CDH16: variants seen among roughly 807,000 people sequenced by gnomAD.
CDH16 encodes the protein cadherin-16.
In CDH16, 79 loss-of-function variants were observed where a neutral mutation model predicts 87.6. That is an observed-to-expected ratio of 0.90 (90% confidence interval 0.75 to 1.09). CDH16 has a LOEUF of 1.09. Among genes scored for constraint, CDH16 ranks in the 50% least tolerant of loss-of-function variants. The pLI is 0.00. For synonymous variants in CDH16, 457 were observed against 439.5 expected (o/e 1.04, Z -0.50); for missense variants, 1,124 against 1,071.7 (o/e 1.05, Z -0.68).
At chr16:66,915,110 C>T in intron 6 of CDH16, 110 bp downstream of exon 6, 1 of 1,085,436 alleles carries the variant, frequency 9.2e-7, no homozygotes, top group Non-Finnish European at 1.3e-6. Flanking sequence ...AGTGCCCTTC[C>T]CTCCCTTTTT....
chr16:66,918,503 G>T (rs1377153322), intron 1 of CDH16, among the ~76,000 whole-genome samples: 2 of 152,212 alleles, frequency 1.3e-5, no homozygotes, highest in Non-Finnish European at 2.9e-5. Context: ...TCTGGCCAAG[G>T]TCACAGAGGA....
chr16:66,909,521 G>A lies in CDH16; in HGVS notation c.2276-138C>T, dbSNP rs1452701288. On this transcript the variant is annotated intron_variant, in intron 16 of 17. Transcript: ENST00000299752. The surrounding 1 kb of genome is among the most constrained non-coding windows in gnomAD (Gnocchi z 4.1). Reference sequence around the variant, plus strand: ...TTCACATGTGTGTGAAGATATATGCGCTAGCCAGGCGTGGTGGCTCACACC... The same window carrying A: ...TTCACATGTGTGTGAAGATATATGCACTAGCCAGGCGTGGTGGCTCACACC... 1.4e-5 allele frequency: 9 copies of A among 653,810 alleles called. No individual in the cohort carries two copies. The highest frequency in any genetic ancestry group is 4.6e-5 in the Admixed American group (2 of 43,656). The allele number at this position is 653,810 out of a possible 1,614,324, so 40.5% of individuals were successfully genotyped here. A position where few individuals can be genotyped will look rare whatever the true frequency, so the allele number is the denominator to read the frequency against.
intron 7 of CDH16, among the ~76,000 whole-genome samples, chr16:66,913,915 C>T (rs534913661): frequency 5.3e-5 from 8 of 152,328 alleles, no homozygotes; most frequent in Admixed American, 3.9e-4. Context: ...ATTCCTGGCC[C>T]GGGGTGACAA....
chr16:66,913,384 T>G (rs149946944), intron 8 of CDH16, 103 bp from the exon 9 acceptor site: 57 of 1,568,828 alleles, frequency 3.6e-5, no homozygotes, highest in Admixed American at 7.1e-5. Context: ...TCTTCGGGGC[T>G]CTTTCCCACT....
intron 6 of CDH16, 24 bp from the exon 7 acceptor site, chr16:66,914,436 TGAGCAGGCAGCCAGG>T (rs1443737358): frequency 1.9e-6 from 3 of 1,591,636 alleles, no homozygotes; most frequent in Non-Finnish European, 2.6e-6. Context: ...GATGGTCAGC[TGAGCAGGCAGCCAGG>T]GAGCAGGGGC....
intron 3 of CDH16, 127 bp downstream of exon 3, chr16:66,917,508 TGTGTAAC>T: frequency 1.4e-6 from 1 of 698,634 alleles, no homozygotes; most frequent in Non-Finnish European, 2.6e-6. Flanking sequence ...ACACTCAACC[TGTGTAAC>T]GTGTACATAC....
Position 66,909,219 on chromosome 16 carries a change from A to C in CDH16, c.2392+48T>G, listed in dbSNP as rs1962294286. ...GTGTTTATTTGGAGGCTGTGGTCCC[A>C]ACCACCCATCGCCCTCGCCCACGCA... On this transcript the variant is annotated intron_variant, in intron 17 of 17. Coordinates refer to ENST00000299752, the MANE Select transcript of CDH16 (RefSeq NM_004062.4). This position sits in a 1 kb window ranked among gnomAD's most constrained non-coding sequence, Gnocchi z 4.1. 1 of 1,210,848 alleles carries C rather than the reference A, an allele frequency of 8.3e-7. No individual in the cohort carries two copies. The highest frequency in any genetic ancestry group is 1.5e-5 in the African/African-American group (1 of 67,310). 75.0% of individuals were successfully genotyped at this position (1,210,848 alleles called of 1,614,324 possible).
Position 66,909,499 on chromosome 16 carries a change from A to C in CDH16, c.2276-116T>G. The C allele has an allele frequency of 1.4e-6, 1 of 704,076 alleles. No individual in the cohort carries two copies. Among genetic ancestry groups the C allele is most frequent in the East Asian group, 2.7e-5 (1 of 36,890 alleles). 43.6% of individuals were successfully genotyped at this position (704,076 alleles called of 1,614,324 possible). On this transcript the variant is annotated intron_variant, in intron 16 of 17. Transcript: ENST00000299752. The surrounding 1 kb of genome is among the most constrained non-coding windows in gnomAD (Gnocchi z 4.1). ...TGTGTTTCTGCACATGTGTGTATTC[A>C]CATGTGTGTGAAGATATATGCGCTA...
Position 66,909,926 on chromosome 16 carries a change from T to A in CDH16, c.2275+60A>T. 8.0e-7 allele frequency: 1 copy of A among 1,255,348 alleles called. No homozygotes were observed. The highest frequency in any genetic ancestry group is 1.1e-6 in the Non-Finnish European group (1 of 878,904). The allele number at this position is 1,255,348 out of a possible 1,614,324, so 77.8% of individuals were successfully genotyped here. Reference sequence around the variant, plus strand: ...CCTGTATGCATGTGTACCAGCTCCCTCCCCTTGCATCCCAGCGGTTCCCTC... The same window carrying A: ...CCTGTATGCATGTGTACCAGCTCCCACCCCTTGCATCCCAGCGGTTCCCTC... On this transcript the variant is annotated intron_variant, in intron 16 of 17. Transcript: ENST00000299752. This position sits in a 1 kb window ranked among gnomAD's most constrained non-coding sequence, Gnocchi z 4.1.
chr16:66,911,134 T>G, intron 14 of CDH16, 48 bp downstream of exon 14: 1 of 1,564,542 alleles, frequency 6.4e-7, no homozygotes, highest in Non-Finnish European at 8.7e-7. Flanking sequence ...TCTGTCTGTC[T>G]GAGGTTTGTA....
At position 66,913,527 on chromosome 16, in the gene CDH16, G is replaced by A. The variant is rs142578364; in HGVS notation, c.867C>T (p.Tyr289=). The A allele has an allele frequency of 4.5e-5, 72 of 1,614,042 alleles. No homozygotes were observed. In the African/African-American group the frequency reaches 7.2e-4, roughly 16 times the overall value. Reference sequence around the variant, plus strand: ...CTTCTCTGTCCAGCTCTCTGGTCACGTAGAGGTTTCCCTCTGCATTCACTT... The same window carrying A: ...CTTCTCTGTCCAGCTCTCTGGTCACATAGAGGTTTCCCTCTGCATTCACTT... ...PFEVNAEGNL[Y]VTRELDREAQ... is the part of the protein sequence containing the mutation. The change falls in exon 8 of 18, where the codon TAC becomes TAT. Residue 289 remains tyrosine, a synonymous_variant. Transcript: ENST00000299752.
At chr16:66,908,813 CA>C (rs755705275) in intron 17 of CDH16, among the ~76,000 whole-genome samples, 9 of 152,106 alleles carry the variant, frequency 5.9e-5, no homozygotes, top group Non-Finnish European at 1.0e-4. Flanking sequence ...GTGCTAGAAC[CA>C]GCAAGGAAAA....
Position 66,913,618 on chromosome 16 carries a change from G to T in CDH16, c.781-5C>A. 6.2e-7 allele frequency: 1 copy of T among 1,613,824 alleles called. No homozygotes were observed. The highest frequency in any genetic ancestry group is 8.5e-7 in the Non-Finnish European group (1 of 1,179,894). ...ATCACCCCCACTCCAGTGTACCTGG[G>T]GGGGACACCCCGGGCCAAGGGGCAG... On this transcript the variant is annotated splice_polypyrimidine_tract_variant and splice_region_variant and intron_variant, in intron 7 of 17. Coordinates refer to ENST00000299752, the MANE Select transcript of CDH16 (RefSeq NM_004062.4).
At chr16:66,908,774 C>T (rs1596968351) in intron 17 of CDH16, among the ~76,000 whole-genome samples, 1 of 152,118 alleles carries the variant, frequency 6.6e-6, no homozygotes. Context: ...ACTCCATGGA[C>T]CTCCAAGAGA....
chr16:66,915,103 G>T, intron 6 of CDH16, 117 bp downstream of exon 6: 1 of 951,022 alleles, frequency 1.1e-6, no homozygotes, highest in Non-Finnish European at 1.6e-6. Context: ...CACCTAGAGT[G>T]CCCTTCCCTC....
In CDH16 at chr16:66,908,123, A is replaced by C; in HGVS notation, c.*269T>G. 3.9e-6 allele frequency: 2 copies of C among 511,194 alleles called. No individual in the cohort carries two copies. The highest frequency in any genetic ancestry group is 7.1e-6 in the Non-Finnish European group (2 of 282,538). The allele number at this position is 511,194 out of a possible 1,614,324, so 31.7% of individuals were successfully genotyped here. ...CACATAGACACTGAGACACAGACATACCAATCCCATAGGGCCCAGCCCAGT... is the reference window on the plus strand; with the variant it reads ...CACATAGACACTGAGACACAGACATCCCAATCCCATAGGGCCCAGCCCAGT... On this transcript the variant is annotated 3_prime_UTR_variant, in exon 18 of 18. Coordinates refer to ENST00000299752, the MANE Select transcript of CDH16 (RefSeq NM_004062.4).
chr16:66,915,460 C>T, intron 5 of CDH16, 82 bp from the exon 6 acceptor site: 3 of 1,438,442 alleles, frequency 2.1e-6, no homozygotes, highest in Non-Finnish European at 1.9e-6. Flanking sequence ...TCTCCTCTGT[C>T]CTTTCTTCCC....
Position 66,915,229 on chromosome 16 carries a change from T to A in CDH16, c.574A>T (p.Ser192Cys), listed in dbSNP as rs1421081212. The A allele has an allele frequency of 6.2e-7, 1 of 1,611,324 alleles. No homozygotes were observed. Among genetic ancestry groups the A allele is most frequent in the Admixed American group, 1.7e-5 (1 of 59,804 alleles). Residue 192 changes from serine (S) to cysteine (C), a missense_variant, in exon 6 of 18, where the codon AGC (serine) becomes TGC (cysteine). By Grantham distance (112) the Ser-to-Cys change is moderately radical (BLOSUM62 -1). Transcript: ENST00000299752. Reference protein sequence around the residue: ...LEPRLGALALSPKGSTSLDHA... With the variant: ...LEPRLGALALCPKGSTSLDHA... ...CCCCGCTCGGGCTTACCCTTGGGGC[T>A]GAGGGCCAGAGCCCCCAGCCGAGGC... is the stretch of plus-strand genomic sequence containing the variant.
chr16:66,913,795 C>T (rs995956981), intron 7 of CDH16, among the ~76,000 whole-genome samples, 182 bp from the exon 8 acceptor site: 1 of 152,224 alleles, frequency 6.6e-6, no homozygotes, highest in African/African-American at 2.4e-5. Context: ...TGGCCTTGCC[C>T]TGATCCAAGC....
Sources: gnomAD v4.1 joint callset for allele counts (sites outside exome capture counted in the v4.1 genomes callset) on GRCh38, gnomAD v4.1.1 for gene constraint, Gnocchi (gnomAD v3.1) non-coding constraint, MANE v1.5 for transcripts, NCBI Gene and HGNC (gene_info 2026-07-23, HGNC 2026-07-21) for gene names.